The following CERS6 variants were observed in gnomAD, a reference collection of about 807,000 sequenced individuals.
CERS6 encodes LAG1 homolog, ceramide synthase 6.
A neutral mutation model predicts 56.8 loss-of-function variants in CERS6; 26 were observed. That is an observed-to-expected ratio of 0.46 (90% CI 0.34 to 0.63). The LOEUF (loss-of-function observed/expected upper bound fraction) is 0.63. CERS6 is among the 30% of genes least tolerant of loss of function. The pLI is 0.01. For synonymous variants in CERS6, 164 were observed against 173.3 expected (o/e 0.95, Z 0.42); for missense variants, 415 against 467.5 (o/e 0.89, Z 1.04).
chr2:168,550,378 A>G (rs895653118), intron 2 of CERS6, among the ~76,000 whole-genome samples: 13 of 151,976 alleles, frequency 8.6e-5, no homozygotes, highest in Admixed American at 5.2e-4. Context: ...GGGCCTCACT[A>G]TGTTGCCCAG....
At chr2:168,677,853 A>T (rs1686104045) in intron 4 of CERS6, among the ~76,000 whole-genome samples, 1 of 152,198 alleles carries the variant, frequency 6.6e-6, no homozygotes, top group Admixed American at 6.5e-5. Context: ...CAAGAAAAAA[A>T]CCAAACAACC....
intron 1 of CERS6, among the ~76,000 whole-genome samples, chr2:168,528,201 C>T (rs1025407154): frequency 1.2e-4 from 18 of 152,178 alleles, no homozygotes; most frequent in African/African-American, 4.3e-4. Flanking sequence ...TATAGTATTA[C>T]AGAAGGTAGT....
At chr2:168,733,058 G>T (rs1683595935) in intron 8 of CERS6, among the ~76,000 whole-genome samples, 2 of 152,158 alleles carry the variant, frequency 1.3e-5, no homozygotes, top group Admixed American at 6.5e-5. Context: ...AGTTCATGGG[G>T]CTTCTTTTCG....
At chr2:168,479,792 G>A (rs1033164595) in intron 1 of CERS6, among the ~76,000 whole-genome samples, 5 of 152,048 alleles carry the variant, frequency 3.3e-5, no homozygotes, top group African/African-American at 1.2e-4. Context: ...ATTTTCAGTA[G>A]AGACGGGGTT....
intron 4 of CERS6, among the ~76,000 whole-genome samples, chr2:168,632,500 A>G (rs1684770447): frequency 6.6e-6 from 1 of 152,114 alleles, no homozygotes; most frequent in African/African-American, 2.4e-5. Context: ...ACTTATTTTC[A>G]CTTAATAAGA....
chr2:168,672,993 T>C (rs1685959874), intron 4 of CERS6, among the ~76,000 whole-genome samples: 1 of 152,192 alleles, frequency 6.6e-6, no homozygotes, highest in Non-Finnish European at 1.5e-5. Context: ...AGATAAACAA[T>C]AAATAAGGAT....
chr2:168,655,288 G>T (rs754564975), intron 4 of CERS6, among the ~76,000 whole-genome samples: 7 of 152,188 alleles, frequency 4.6e-5, no homozygotes, highest in Non-Finnish European at 7.3e-5. Flanking sequence ...TGGGAATGTA[G>T]ATTGGTACAG....
intron 4 of CERS6, among the ~76,000 whole-genome samples, chr2:168,637,100 T>C (rs1359291338): frequency 1.3e-5 from 2 of 152,182 alleles, no homozygotes; most frequent in African/African-American, 2.4e-5. Context: ...TCCCACCTCC[T>C]TGGAAGGTGG....
chr2:168,490,714 A>G (rs898539543), intron 1 of CERS6, among the ~76,000 whole-genome samples: 7 of 151,324 alleles, frequency 4.6e-5, no homozygotes, highest in African/African-American at 1.7e-4. Flanking sequence ...TTTTAGTTTT[A>G]AAAAGCGAGA....
In CERS6 at chr2:168,765,817, T is replaced by A. The variant is rs1418834040; in HGVS notation, c.1002+69T>A. 3.0e-6 allele frequency: 4 copies of A among 1,355,766 alleles called. No homozygotes were observed. The African/African-American group carries it at 5.8e-5, about 20-fold the overall frequency. The allele number at this position is 1,355,766 out of a possible 1,614,324, so 84.0% of individuals were successfully genotyped here. A position where few individuals can be genotyped will look rare whatever the true frequency, so the allele number is the denominator to read the frequency against. ...GTTTTTGTAATTTCTCTGGATCAACTATTTACTATTCCATATTTCATCAAA... is the reference window on the plus strand; with the variant it reads ...GTTTTTGTAATTTCTCTGGATCAACAATTTACTATTCCATATTTCATCAAA... On this transcript the variant is annotated intron_variant, in intron 9 of 9. Transcript: ENST00000305747.
chr2:168,643,038 C>T (rs751515446), intron 4 of CERS6, among the ~76,000 whole-genome samples: 4 of 152,124 alleles, frequency 2.6e-5, no homozygotes, highest in African/African-American at 9.7e-5. Flanking sequence ...CTATTAGATC[C>T]GAATGGGCGG....
At chr2:168,561,496 C>A (rs6433073) in intron 3 of CERS6, among the ~76,000 whole-genome samples, 174 bp downstream of exon 3, 138,866 of 152,302 alleles carry the variant, frequency 0.91, 63,383 homozygotes, top group South Asian at 0.97. Context: ...TGTGACTTCC[C>A]CTTTGGATAC....
At chr2:168,462,877 T>C (rs1323999058) in intron 1 of CERS6, among the ~76,000 whole-genome samples, 2 of 152,226 alleles carry the variant, frequency 1.3e-5, no homozygotes, top group African/African-American at 2.4e-5. Context: ...TTGTTACTAA[T>C]GCTGTGGATG....
intron 1 of CERS6, among the ~76,000 whole-genome samples, chr2:168,546,739 C>T (rs1228930161): frequency 2.0e-5 from 3 of 152,190 alleles, no homozygotes; most frequent in African/African-American, 7.2e-5. Flanking sequence ...TTAAATGTTA[C>T]TACTGAAAAT....
At chr2:168,591,761 A>G (rs550956434) in intron 3 of CERS6, among the ~76,000 whole-genome samples, 7 of 152,334 alleles carry the variant, frequency 4.6e-5, no homozygotes, top group African/African-American at 1.7e-4. Flanking sequence ...GAAATATTTT[A>G]AAGTACGGAA....
intron 3 of CERS6, among the ~76,000 whole-genome samples, chr2:168,604,943 A>T (rs1471713598): frequency 6.6e-6 from 1 of 152,196 alleles, no homozygotes; most frequent in Admixed American, 6.5e-5. Flanking sequence ...GTATTGATAT[A>T]AAAAATACCT....
intron 8 of CERS6, among the ~76,000 whole-genome samples, chr2:168,746,857 A>G (rs1684123258): frequency 7.0e-6 from 1 of 143,388 alleles, no homozygotes; most frequent in African/African-American, 2.5e-5. Context: ...ATGCATTTAT[A>G]TAGATTTAAA....
At chr2:168,687,614 G>A (rs1009139415) in intron 4 of CERS6, among the ~76,000 whole-genome samples, 5 of 152,180 alleles carry the variant, frequency 3.3e-5, no homozygotes, top group Non-Finnish European at 7.3e-5. Flanking sequence ...GAGATGACAC[G>A]TGTAAAATAC....
intron 8 of CERS6, among the ~76,000 whole-genome samples, chr2:168,755,584 G>A (rs1397722196): frequency 3.9e-5 from 6 of 152,160 alleles, no homozygotes; most frequent in Admixed American, 3.9e-4. Context: ...CCACCCATAG[G>A]TTGCTATTTA....
Sources: gnomAD v4.1 joint callset for allele counts (sites outside exome capture counted in the v4.1 genomes callset) on GRCh38, gnomAD v4.1.1 for gene constraint, MANE v1.5 for transcripts, NCBI Gene and HGNC (gene_info 2026-07-23, HGNC 2026-07-21) for gene names.